Variants in MBD2 observed in about 807,000 individuals in gnomAD.
MBD2 encodes methyl-CpG-binding domain protein 2.
A neutral mutation model predicts 39.3 loss-of-function variants in MBD2; 9 were observed. The ratio of observed to expected loss-of-function variants is 0.23; its 90% CI spans 0.14 to 0.40. MBD2 has a LOEUF of 0.40. Among genes scored for constraint, MBD2 ranks in the 10% least tolerant of loss-of-function variants. The pLI is 1.00. For synonymous variants in MBD2, 233 were observed against 211.1 expected, an observed-to-expected ratio of 1.10 and a Z score of -0.90; for missense variants, 458 against 532.6, an observed-to-expected ratio of 0.86 and a Z score of 1.38.
At chr18:54,161,470 T>A (rs1167210243) in intron 5 of MBD2, among the ~76,000 whole-genome samples, 1 of 152,182 alleles carries the variant, frequency 6.6e-6, no homozygotes, top group Non-Finnish European at 1.5e-5. Context: ...TGACTCAAAG[T>A]TTATGACAAA....
intron 1 of MBD2, among the ~76,000 whole-genome samples, chr18:54,214,567 G>A (rs1157193533): frequency 1.3e-5 from 2 of 152,016 alleles, no homozygotes; most frequent in South Asian, 2.1e-4. Flanking sequence ...TCACATTTCA[G>A]AATACAACAA....
intron 2 of MBD2, among the ~76,000 whole-genome samples, chr18:54,189,927 G>GA (rs2086309288): frequency 6.6e-6 from 1 of 152,116 alleles, no homozygotes. Context: ...GGGATTACAG[G>GA]TGTGAGCCTC....
At chr18:54,170,118 T>A (rs2086169625) in intron 3 of MBD2, among the ~76,000 whole-genome samples, 1 of 152,194 alleles carries the variant, frequency 6.6e-6, no homozygotes. Context: ...ATCTTAGTAG[T>A]CACTGCAGTT....
At chr18:54,174,639 G>C (rs1246570289) in intron 3 of MBD2, among the ~76,000 whole-genome samples, 1 of 152,198 alleles carries the variant, frequency 6.6e-6, no homozygotes, top group Admixed American at 6.5e-5. Flanking sequence ...AAATGTGGTT[G>C]TAATTATTTT....
chr18:54,224,370 A>G lies in MBD2; in HGVS notation c.190T>C (p.Trp64Arg). ...CCGCCGCCCCGGCCCGCCTGCTTCCACCGCCCCCGGCCACGGCCGCCGCCC... is the reference window on the plus strand; with the variant it reads ...CCGCCGCCCCGGCCCGCCTGCTTCCGCCGCCCCCGGCCACGGCCGCCGCCC... ...ARGGGRGRGRWKQAGRGGGVC... is the reference protein window; with the variant it reads ...ARGGGRGRGRRKQAGRGGGVC... The change falls in exon 1 of 7, where the codon TGG becomes CGG. Residue 64 changes from tryptophan (W) to arginine (R), a missense_variant. Trp to Arg is a moderately radical substitution (Grantham distance 101, BLOSUM62 -3). Coordinates refer to ENST00000256429, the MANE Select transcript of MBD2 (RefSeq NM_003927.5). The G allele has an allele frequency of 8.4e-7, 1 of 1,188,466 alleles. No individual in the cohort carries two copies. Among genetic ancestry groups the G allele is most frequent in the Middle Eastern group, 3.5e-4 (1 of 2,898 alleles). The allele number at this position is 1,188,466 out of a possible 1,614,324, so 73.6% of individuals were successfully genotyped here.
intron 3 of MBD2, among the ~76,000 whole-genome samples, chr18:54,172,911 T>C (rs904625052): frequency 5.9e-5 from 9 of 152,232 alleles, no homozygotes; most frequent in African/African-American, 2.2e-4. Flanking sequence ...GGAAGCGTTA[T>C]AAACACTTGA....
chr18:54,171,963 G>T (rs2086182318), intron 3 of MBD2, among the ~76,000 whole-genome samples: 1 of 152,188 alleles, frequency 6.6e-6, no homozygotes, highest in Non-Finnish European at 1.5e-5. Flanking sequence ...GCATTTACAT[G>T]TTTGGCTCTT....
At chr18:54,181,387 T>C (rs533481834) in intron 3 of MBD2, among the ~76,000 whole-genome samples, 72 of 152,358 alleles carry the variant, frequency 4.7e-4, no homozygotes, top group South Asian at 1.2e-3. Context: ...TTAAAAAATA[T>C]TGAGCTACCC....
intron 2 of MBD2, chr18:54,203,067 A>G (rs757391912): frequency 1.2e-5 from 18 of 1,507,274 alleles, no homozygotes; most frequent in Non-Finnish European, 1.5e-5. Flanking sequence ...TTGAAAGCGC[A>G]TGCCATGGTG....
At chr18:54,197,404 G>C (rs1381877176) in intron 2 of MBD2, among the ~76,000 whole-genome samples, 1 of 152,140 alleles carries the variant, frequency 6.6e-6, no homozygotes, top group Admixed American at 6.5e-5. Flanking sequence ...CAGCCAACCT[G>C]GCCTTTTTGT....
chr18:54,201,679 G>A (rs528791841), intron 2 of MBD2, among the ~76,000 whole-genome samples: 4 of 152,030 alleles, frequency 2.6e-5, no homozygotes, highest in East Asian at 3.9e-4. Context: ...TGGCTAACAC[G>A]GTGAAACTCC....
intron 1 of MBD2, 81 bp downstream of exon 1, chr18:54,223,937 G>A: frequency 2.4e-6 from 3 of 1,226,690 alleles, no homozygotes; most frequent in East Asian, 3.0e-5. Flanking sequence ...GGGCCCCAGC[G>A]CTCATCCTCT....
At chr18:54,207,881 C>A (rs1480662413) in intron 1 of MBD2, among the ~76,000 whole-genome samples, 3 of 151,776 alleles carry the variant, frequency 2.0e-5, no homozygotes, top group Non-Finnish European at 4.4e-5. Flanking sequence ...ACTAAAAATA[C>A]AAAAAAATTA....
At chr18:54,181,190 C>CT (rs1349189227) in intron 3 of MBD2, among the ~76,000 whole-genome samples, 1 of 152,118 alleles carries the variant, frequency 6.6e-6, no homozygotes, top group African/African-American at 2.4e-5. Context: ...GCCACTGCAT[C>CT]TAGCCTCATT....
chr18:54,158,570 T>A (rs1335666425), intron 6 of MBD2, among the ~76,000 whole-genome samples: 1 of 152,176 alleles, frequency 6.6e-6, no homozygotes, highest in Non-Finnish European at 1.5e-5. Context: ...GGTATGCCCA[T>A]GGCACAGAGC....
At position 54,212,693 on chromosome 18, in the gene MBD2, A is replaced by T. The variant is rs537357901; in HGVS notation, c.543-7536T>A. Among the ~76,000 whole-genome samples the T allele has an allele frequency of 2.0e-5, 3 of 146,598 alleles. No homozygotes were observed. In the East Asian group the frequency reaches 5.9e-4, roughly 29 times the overall value. ...TTTCCCCCCAAAATAGGAAAGCTTT[A>T]AAAAAAAAATATCAAGACTCTGGGC... is the stretch of plus-strand genomic sequence containing the variant. On this transcript the variant is annotated intron_variant, in intron 1 of 6. Coordinates refer to ENST00000256429, the MANE Select transcript of MBD2 (RefSeq NM_003927.5).
Position 54,205,028 on chromosome 18 carries a change from T to C in MBD2, c.672A>G (p.Arg224=). Residue 224 remains arginine (R), a synonymous_variant, in exon 2 of 7, where the codon AGA becomes AGG. Coordinates refer to ENST00000256429, the MANE Select transcript of MBD2 (RefSeq NM_003927.5). ...MPSKLQKNKQ[R]LRNDPLNQNK... is the part of the protein sequence containing the mutation. Reference sequence around the variant, plus strand: ...TTTGATTGAGAGGATCGTTTCGCAGTCTCTGTTTGTTCTTCTGTAATTTAC... The same window carrying C: ...TTTGATTGAGAGGATCGTTTCGCAGCCTCTGTTTGTTCTTCTGTAATTTAC... 1 of 1,613,838 alleles carries C rather than the reference T, an allele frequency of 6.2e-7. No individual in the cohort carries two copies. The highest frequency in any genetic ancestry group is 8.5e-7 in the Non-Finnish European group (1 of 1,179,896).
At chr18:54,221,374 C>T (rs1244672180) in intron 1 of MBD2, among the ~76,000 whole-genome samples, 1 of 151,374 alleles carries the variant, frequency 6.6e-6, no homozygotes, top group Non-Finnish European at 1.5e-5. Context: ...AGGAGAATGG[C>T]GTGAACCCAG....
Position 54,167,459 on chromosome 18 carries a change from T to A in MBD2, c.841-1293A>T, listed in dbSNP as rs145363811. ...CTATCACAAAAGATTACTGTGGGAGTTAAATAAGGCAATATGTATAAAGTA... is the reference window on the plus strand; with the variant it reads ...CTATCACAAAAGATTACTGTGGGAGATAAATAAGGCAATATGTATAAAGTA... On this transcript the variant is annotated intron_variant, in intron 3 of 6. Transcript: ENST00000256429. Among the ~76,000 whole-genome samples the A allele has an allele frequency of 2.6e-3, 389 of 152,238 alleles. 1 individual carries two copies. Among genetic ancestry groups the A allele is most frequent in the African/African-American group, 8.8e-3 (365 of 41,542 alleles).
Sources: allele counts gnomAD v4.1 joint callset (sites outside exome capture counted in the v4.1 genomes callset), GRCh38; gene constraint gnomAD v4.1.1; transcripts MANE v1.5; gene names NCBI Gene and HGNC (gene_info 2026-07-23, HGNC 2026-07-21).